The following UGT1A7 variants were observed in gnomAD, a reference collection of about 807,000 sequenced individuals.
UGT1A7 encodes the protein UDP glucuronosyltransferase family 1 member A7.
A neutral mutation model predicts 45.6 loss-of-function variants in UGT1A7; 33 were observed. The ratio of observed to expected loss-of-function variants is 0.72; its 90% confidence interval spans 0.55 to 0.97. The LOEUF is 0.97. Among genes scored for constraint, UGT1A7 ranks in the 50% least tolerant of loss-of-function variants. The pLI, the probability that UGT1A7 is intolerant of heterozygous loss-of-function variation, is 0.00. For synonymous variants in UGT1A7, 274 were observed against 250.6 expected, an observed-to-expected ratio of 1.09 and a Z score of -0.88; for missense variants, 684 against 666.2, an observed-to-expected ratio of 1.03 and a Z score of -0.29.
intron 1 of UGT1A7, among the ~76,000 whole-genome samples, chr2:233,749,836 C>T (rs550199256): frequency 1.5e-4 from 23 of 152,008 alleles, no homozygotes; most frequent in South Asian, 8.3e-4. Context: ...TCATGTAAGA[C>T]GTGTCTTTGC....
Position 233,682,266 on chromosome 2 carries a change from C to G in UGT1A7, c.329C>G (p.Thr110Arg). 1 of 1,614,182 alleles carries G rather than the reference C, an allele frequency of 6.2e-7. No homozygotes were observed. The highest frequency in any genetic ancestry group is 1.3e-5 in the African/African-American group (1 of 75,054). Residue 110 changes from threonine (T) to arginine (R), a missense_variant, in exon 1 of 5, where the codon ACA becomes AGA. Thr to Arg is a moderately conservative substitution (Grantham distance 71). Transcript: ENST00000373426. ...TTGCGAAGTGCATTTTCTCTATTAA[C>G]AAGTTCATCCAATGGTATTTTTGAC... Reference protein sequence around the residue: ...APLRSAFSLLTSSSNGIFDLF... With the variant: ...APLRSAFSLLRSSSNGIFDLF...
At chr2:233,710,108 C>T (rs991236608) in intron 1 of UGT1A7, among the ~76,000 whole-genome samples, 4 of 152,152 alleles carry the variant, frequency 2.6e-5, no homozygotes, top group Non-Finnish European at 4.4e-5. Flanking sequence ...ATATTTCATT[C>T]GTTTCTATTT....
intron 1 of UGT1A7, among the ~76,000 whole-genome samples, chr2:233,687,820 C>G (rs1264868576): frequency 1.3e-5 from 2 of 152,068 alleles, no homozygotes; most frequent in Non-Finnish European, 2.9e-5. Context: ...GTGGGAGGAT[C>G]TCCTGTAAAC....
At chr2:233,742,286 A>G (rs1691931805) in intron 1 of UGT1A7, among the ~76,000 whole-genome samples, 1 of 152,016 alleles carries the variant, frequency 6.6e-6, no homozygotes, top group African/African-American at 2.4e-5. Context: ...CATCATTTCT[A>G]TAGATTATAG....
intron 4 of UGT1A7, 111 bp from the exon 5 acceptor site, chr2:233,772,151 C>T (rs1700473345): frequency 1.3e-6 from 2 of 1,555,904 alleles, no homozygotes; most frequent in Non-Finnish European, 8.7e-7. Context: ...AACAGGTTTC[C>T]TTTCCCAAGT....
chr2:233,762,888 C>T (rs986387218), intron 1 of UGT1A7, among the ~76,000 whole-genome samples: 1 of 152,086 alleles, frequency 6.6e-6, no homozygotes, highest in African/African-American at 2.4e-5. Context: ...TTATAAATTC[C>T]ATGCCAAATA....
At chr2:233,744,795 G>A (rs1194652207) in intron 1 of UGT1A7, among the ~76,000 whole-genome samples, 2 of 151,864 alleles carry the variant, frequency 1.3e-5, no homozygotes, top group Non-Finnish European at 2.9e-5. Context: ...AATTCTTGGG[G>A]ATCCCTAGGA....
At chr2:233,748,830 A>T (rs1694040307) in intron 1 of UGT1A7, among the ~76,000 whole-genome samples, 1 of 151,290 alleles carries the variant, frequency 6.6e-6, no homozygotes, top group African/African-American at 2.5e-5. Flanking sequence ...TCTAGGGAGG[A>T]GATAAAACTG....
chr2:233,716,282 A>G (rs2076495752), intron 1 of UGT1A7, among the ~76,000 whole-genome samples: 1 of 152,186 alleles, frequency 6.6e-6, no homozygotes, highest in African/African-American at 2.4e-5. Context: ...AACCCTTAAT[A>G]TAATCACATC....
chr2:233,695,370 C>G (rs1420827088), intron 1 of UGT1A7, among the ~76,000 whole-genome samples: 2 of 151,814 alleles, frequency 1.3e-5, no homozygotes, highest in African/African-American at 4.8e-5. Flanking sequence ...GTGGTCCGCC[C>G]ACCCCAGCCT....
chr2:233,690,681 C>T (rs533534130), intron 1 of UGT1A7: 1 of 1,259,556 alleles, frequency 7.9e-7, no homozygotes, highest in Admixed American at 2.8e-5. Context: ...CCTGGGTCTC[C>T]AGCGGAGCTA....
At position 233,682,490 on chromosome 2, in the gene UGT1A7, G is replaced by A. The variant is rs1392204315; in HGVS notation, c.553G>A (p.Ala185Thr). ...TCTTGAAGAAGGTGCACAGTGCCCT[G>A]CTCCTCTTTCCTATGTCCCCAGACT... ...HYLEEGAQCP[A>T]PLSYVPRLLL... Residue 185 changes from alanine to threonine, a missense_variant, in exon 1 of 5, where the codon GCT (alanine) becomes ACT (threonine). Coordinates refer to ENST00000373426, the MANE Select transcript of UGT1A7 (RefSeq NM_019077.3). The A allele has an allele frequency of 5.6e-6, 9 of 1,613,902 alleles. No homozygotes were observed. Among genetic ancestry groups the A allele is most frequent in the South Asian group, 5.5e-5 (5 of 91,064 alleles).
intron 1 of UGT1A7, among the ~76,000 whole-genome samples, chr2:233,685,024 T>A (rs1218978440): frequency 6.6e-6 from 1 of 152,190 alleles, no homozygotes; most frequent in East Asian, 1.9e-4. Context: ...TGTGTCTGTA[T>A]GTGCAGGTGT....
intron 1 of UGT1A7, chr2:233,743,763 C>A (rs1415597563): frequency 7.3e-7 from 1 of 1,367,254 alleles, no homozygotes; most frequent in African/African-American, 1.5e-5. Flanking sequence ...ACCTCGTAGG[C>A]CTCGGCCACC....
intron 1 of UGT1A7, among the ~76,000 whole-genome samples, chr2:233,709,856 G>A (rs1334446002): frequency 1.3e-5 from 2 of 152,118 alleles, no homozygotes; most frequent in Admixed American, 6.5e-5. Flanking sequence ...TTCAAGACAC[G>A]GAGCACTCCA....
intron 1 of UGT1A7, among the ~76,000 whole-genome samples, chr2:233,696,604 C>T (rs926125593): frequency 2.2e-5 from 3 of 133,902 alleles, no homozygotes; most frequent in African/African-American, 8.6e-5. Context: ...AACTTGGATG[C>T]CCTTTCTTTC....
At chr2:233,747,254 C>A in intron 1 of UGT1A7, 1 of 1,600,766 alleles carries the variant, frequency 6.2e-7, no homozygotes, top group Admixed American at 1.7e-5. Flanking sequence ...TGGCTGGCCA[C>A]AGGAGTGCTA....
Position 233,760,349 on chromosome 2 carries a change from G to C in UGT1A7, c.856-6685G>C. On this transcript the variant is annotated intron_variant, in intron 1 of 4. Coordinates refer to ENST00000373426, the MANE Select transcript of UGT1A7 (RefSeq NM_019077.3). ...CTGGGCCTGCTGCTGTGTGTGCTGG[G>C]CCCAGTGGTGTCCCATGCTGGGAAG... is the stretch of plus-strand genomic sequence containing the variant. 4 of 1,614,050 alleles carry C rather than the reference G, an allele frequency of 2.5e-6. No homozygotes were observed. The Middle Eastern group carries it at 5.0e-4, about 200-fold the overall frequency.
chr2:233,693,620 T>C, intron 1 of UGT1A7: 1 of 1,614,218 alleles, frequency 6.2e-7, no homozygotes, highest in Non-Finnish European at 8.5e-7. Flanking sequence ...CATGACTTTT[T>C]CCCAACGAGT....
Sources: allele counts gnomAD v4.1 joint callset (sites outside exome capture counted in the v4.1 genomes callset), GRCh38; gene constraint gnomAD v4.1.1; transcripts MANE v1.5; gene names NCBI Gene and HGNC (gene_info 2026-07-23, HGNC 2026-07-21).